PDZD7: variants seen among roughly 807,000 people sequenced by gnomAD.
PDZD7 encodes the protein PDZ domain containing 7, also known as PDZ domain-containing protein 7.
Under a neutral mutation model 84.7 loss-of-function variants are expected in PDZD7, and 72 were observed. That is an observed-to-expected ratio of 0.85 (90% CI 0.70 to 1.03). The LOEUF is 1.03. Ranked by LOEUF, PDZD7 falls within the 50% of genes least tolerant of loss-of-function variation. The pLI, the probability that PDZD7 is intolerant of heterozygous loss-of-function variation, is 0.00. For missense variants in PDZD7, 1,490 were observed against 1,412.9 expected, an observed-to-expected ratio of 1.05 and a Z score of -0.87; for synonymous variants, 594 against 580.7, an observed-to-expected ratio of 1.02 and a Z score of -0.33.
In PDZD7 at chr10:101,021,903, C is replaced by T. The variant is rs756200532; in HGVS notation, c.762G>A (p.Val254=). The change falls in exon 6 of 17, where the codon GTG becomes GTA. Residue 254 remains valine (V), a synonymous_variant. Transcript: ENST00000619208. ...GGLAEENGIK[V]GDQVLAANGV... is the part of the protein sequence containing the mutation. ...CGTTGGCTGCCAGGACCTGGTCCCC[C>T]ACCTTGATGCCATTCTCCTCGGCCA... The T allele has an allele frequency of 6.2e-7, 1 of 1,614,172 alleles. No homozygotes were observed. The highest frequency in any genetic ancestry group is 8.5e-7 in the Non-Finnish European group (1 of 1,180,022).
intron 2 of PDZD7, among the ~76,000 whole-genome samples, chr10:101,028,222 T>C (rs551560578): frequency 9.8e-5 from 15 of 152,304 alleles, no homozygotes; most frequent in Non-Finnish European, 2.2e-4. Context: ...GCTGCTTCCT[T>C]GGCTGCACAG....
intron 4 of PDZD7, among the ~76,000 whole-genome samples, chr10:101,022,596 CTT>C (rs1315085387): frequency 5.2e-4 from 73 of 140,730 alleles, no homozygotes; most frequent in Non-Finnish European, 5.8e-4. Context: ...AGGACCATTC[CTT>C]TTTTTTTTTT....
Position 101,010,652 on chromosome 10 carries a change from A to G in PDZD7, c.2237T>C (p.Leu746Pro). 7.1e-7 allele frequency: 1 copy of G among 1,404,970 alleles called. No individual in the cohort carries two copies. Among genetic ancestry groups the G allele is most frequent in the Non-Finnish European group, 9.3e-7 (1 of 1,074,306 alleles). 87.0% of individuals were successfully genotyped at this position (1,404,970 alleles called of 1,614,324 possible). The change falls in exon 15 of 17, where the codon CTG (leucine) becomes CCG (proline). Residue 746 changes from leucine (L) to proline (P), a missense_variant. Physicochemically the swap from Leu to Pro is moderately conservative, Grantham distance 98. Coordinates refer to ENST00000619208, the MANE Select transcript of PDZD7 (RefSeq NM_001195263.2). ...PQLPPVAPRP[L>P]RPNWLLTEPL... ...TTCTGTCAGCAGCCAGTTAGGCCGCAGGGGCCGGGGAGCCACGGGGGGTAG... is the reference window on the plus strand; with the variant it reads ...TTCTGTCAGCAGCCAGTTAGGCCGCGGGGGCCGGGGAGCCACGGGGGGTAG...
rs760408643 is a variant in PDZD7 at position 101,018,233 on chromosome 10, C to T, written c.1388G>A (p.Arg463His). 6.2e-7 allele frequency: 1 copy of T among 1,614,188 alleles called. No homozygotes were observed. Among genetic ancestry groups the T allele is most frequent in the East Asian group, 2.2e-5 (1 of 44,890 alleles). ...GSPGEKGALQ[R>H]SKTLMNLFFK... is the part of the protein sequence containing the mutation. ...GAAGAGGTTCATCAGCGTCTTGGAG[C>T]GCTGCAGGGCACCCTTCTCCCCAGG... The change falls in exon 9 of 17, where the codon CGC becomes CAC. Residue 463 changes from arginine to histidine, a missense_variant. Arg to His is a conservative substitution (Grantham distance 29). Transcript: ENST00000619208.
At chr10:101,020,844 T>C (rs749266161) in intron 6 of PDZD7, among the ~76,000 whole-genome samples, 166 bp from the exon 7 acceptor site, 37 of 152,202 alleles carry the variant, frequency 2.4e-4, no homozygotes, top group Non-Finnish European at 4.7e-4. Flanking sequence ...ACGTGCCAAG[T>C]TCCTTTTTGC....
chr10:101,030,412 G>A lies in PDZD7; in HGVS notation c.-165-28C>T, dbSNP rs1938060742. 4.3e-6 allele frequency: 3 copies of A among 695,518 alleles called. No individual in the cohort carries two copies. In the African/African-American group the frequency reaches 5.3e-5, roughly 12 times the overall value. The allele number at this position is 695,518 out of a possible 1,614,324, so 43.1% of individuals were successfully genotyped here. ...GGGCAGGGAGAGCAGGGATGAGGGAGGGGTGTAAATGTTTCCCCTGCTGCC... is the reference window on the plus strand; with the variant it reads ...GGGCAGGGAGAGCAGGGATGAGGGAAGGGTGTAAATGTTTCCCCTGCTGCC... On this transcript the variant is annotated intron_variant, in intron 1 of 16. Transcript: ENST00000619208.
rs1316167079 is a variant in PDZD7, at chr10:101,010,273, T to G, written c.2616A>C (p.Leu872Phe). The G allele has an allele frequency of 1.2e-5, 18 of 1,524,796 alleles. No individual in the cohort carries two copies. The South Asian group carries it at 2.1e-4, about 18-fold the overall frequency. 94.5% of individuals were successfully genotyped at this position (1,524,796 alleles called of 1,614,324 possible). A position where few individuals can be genotyped will look rare whatever the true frequency, so the allele number is the denominator to read the frequency against. ...GGGCCCAGTCCCACGTGGACTCACC[T>G]AAGGACTGCTTCATCTTGGACAGTG... ...TVTLSKMKQS[L>F]GISISGGIES... Residue 872 changes from leucine (L) to phenylalanine (F), a missense_variant and splice_region_variant, in exon 15 of 17, where the codon TTA becomes TTC. Physicochemically the swap from Leu to Phe is conservative, Grantham distance 22. Transcript: ENST00000619208.
chr10:101,030,598 T>G, intron 1 of PDZD7: 4 of 398,430 alleles, frequency 1.0e-5, no homozygotes, highest in Admixed American at 3.6e-5. Flanking sequence ...TCACCCCTCA[T>G]TCCTGCTCGG....
In PDZD7 at chr10:101,010,561, G is replaced by T. The variant is rs976535352; in HGVS notation, c.2328C>A (p.Ser776Arg). Reference sequence around the variant, plus strand: ...TGCTGCGGCTGCGGCTGCGGCTACGGCTGCGGCTACGGCTCTGAGCCCGGC... The same window carrying T: ...TGCTGCGGCTGCGGCTGCGGCTACGTCTGCGGCTACGGCTCTGAGCCCGGC... ...IRGRAQSRSR[S>R]RSRSRSRSSR... Residue 776 changes from serine to arginine, a missense_variant, in exon 15 of 17, where the codon AGC (serine) becomes AGA (arginine). Ser to Arg is a moderately radical substitution (Grantham distance 110, BLOSUM62 -1). Transcript: ENST00000619208. 3 of 1,488,328 alleles carry T rather than the reference G, an allele frequency of 2.0e-6. No individual in the cohort carries two copies. Among genetic ancestry groups the T allele is most frequent in the Non-Finnish European group, 2.7e-6 (3 of 1,106,858 alleles). 92.2% of individuals were successfully genotyped at this position (1,488,328 alleles called of 1,614,324 possible). A position where few individuals can be genotyped will look rare whatever the true frequency, so the allele number is the denominator to read the frequency against.
chr10:101,013,975 G>A (rs527486432), intron 11 of PDZD7, among the ~76,000 whole-genome samples: 36 of 151,128 alleles, frequency 2.4e-4, no homozygotes, highest in South Asian at 2.1e-4. Flanking sequence ...TCAGCCTACC[G>A]AGTAGCTGGG....
In PDZD7 at chr10:101,008,246, G is replaced by A. The variant is rs918201607; in HGVS notation, c.*221C>T. On this transcript the variant is annotated 3_prime_UTR_variant, in exon 17 of 17. Transcript: ENST00000619208. ...GGGAGGTTGGGGAGCAGTGAGTGCA[G>A]GTGACACAGGCTGCCCACTAGCACC... is the stretch of plus-strand genomic sequence containing the variant. 1.8e-6 allele frequency: 1 copy of A among 567,488 alleles called. No homozygotes were observed. The highest frequency in any genetic ancestry group is 3.1e-5 in the Admixed American group (1 of 32,058). 35.2% of individuals were successfully genotyped at this position (567,488 alleles called of 1,614,324 possible).
Position 101,018,813 on chromosome 10 carries a change from C to T in PDZD7, c.1324+9G>A. The T allele has an allele frequency of 1.3e-6, 2 of 1,583,450 alleles. No individual in the cohort carries two copies. The highest frequency in any genetic ancestry group is 8.6e-7 in the Non-Finnish European group (1 of 1,162,354). On this transcript the variant is annotated intron_variant, in intron 8 of 16. Transcript: ENST00000619208. ...TGGAGGGAGCAGCCGCCACCCATCC[C>T]CCACGTACCCCACAAGGTCAGATAG... is the stretch of plus-strand genomic sequence containing the variant.
At chr10:101,029,806 G>T (rs796800183) in intron 2 of PDZD7, among the ~76,000 whole-genome samples, 188 bp downstream of exon 2, 2 of 152,174 alleles carry the variant, frequency 1.3e-5, no homozygotes, top group South Asian at 4.1e-4. Flanking sequence ...CTGCAGGATT[G>T]GCCTGGAGGA....
rs77081173 is a variant in PDZD7 at position 101,010,732 on chromosome 10, G to A, written c.2157C>T (p.Asp719=). The A allele has an allele frequency of 3.0e-3, 3,890 of 1,295,638 alleles. 96 individuals are homozygous for A. The African/African-American group carries it at 0.053, about 18-fold the overall frequency. The allele number at this position is 1,295,638 out of a possible 1,614,324, so 80.3% of individuals were successfully genotyped here. A position where few individuals can be genotyped will look rare whatever the true frequency, so the allele number is the denominator to read the frequency against. ...GGGGGGTGAAGGCATCTACTGGCAC[G>A]TCTTGTAGAGGGGGGATCCCTTTAT... is the stretch of plus-strand genomic sequence containing the variant. ...HPHKGIPPLQ[D]VPVDAFTPLR... Residue 719 remains aspartate, a synonymous_variant, in exon 15 of 17, where the codon GAC becomes GAT. Transcript: ENST00000619208.
At chr10:101,022,534 A>C in intron 4 of PDZD7, 149 bp from the exon 5 acceptor site, 4 of 840,990 alleles carry the variant, frequency 4.8e-6, no homozygotes, top group Non-Finnish European at 7.5e-6. Flanking sequence ...TAGGTTCATT[A>C]GCTGGGAAAC....
At chr10:101,016,353 T>C (rs746319613) in intron 10 of PDZD7, 24 bp downstream of exon 10, 7 of 1,550,188 alleles carry the variant, frequency 4.5e-6, no homozygotes, top group Admixed American at 3.9e-5. Flanking sequence ...AAACTAGGCC[T>C]TGGTAAAGGG....
rs1437388017 is a variant in PDZD7 at position 101,010,675 on chromosome 10, T to A, written c.2214A>T (p.Leu738=). ...GCAGGGGCCGGGGAGCCACGGGGGG[T>A]AGCTGGGGAGGGGGTGTGCAGGCAA... The part of the protein sequence containing the change: ...LRIACTPPPQ[L]PPVAPRPLRP... The change falls in exon 15 of 17, where the codon CTA becomes CTT. Residue 738 remains leucine (L), a synonymous_variant. Transcript: ENST00000619208. The A allele has an allele frequency of 7.6e-7, 1 of 1,318,736 alleles. No individual in the cohort carries two copies. Among genetic ancestry groups the A allele is most frequent in the South Asian group, 1.3e-5 (1 of 77,942 alleles). 81.7% of individuals were successfully genotyped at this position (1,318,736 alleles called of 1,614,324 possible). A position where few individuals can be genotyped will look rare whatever the true frequency, so the allele number is the denominator to read the frequency against.
chr10:101,022,136 C>G, intron 5 of PDZD7, 73 bp downstream of exon 5: 1 of 1,600,960 alleles, frequency 6.2e-7, no homozygotes, highest in Non-Finnish European at 8.5e-7. Flanking sequence ...ACCATCCCCA[C>G]ATCCCAGCCT....
At chr10:101,027,138 C>T (rs984884446) in intron 2 of PDZD7, among the ~76,000 whole-genome samples, 4 of 152,154 alleles carry the variant, frequency 2.6e-5, no homozygotes, top group African/African-American at 7.2e-5. Context: ...TTTACATTAG[C>T]TCATGTCTTT....
Sources: gnomAD v4.1 joint callset for allele counts (sites outside exome capture counted in the v4.1 genomes callset) on GRCh38, gnomAD v4.1.1 for gene constraint, MANE v1.5 for transcripts, NCBI Gene and HGNC (gene_info 2026-07-23, HGNC 2026-07-21) for gene names.